Variants in TBC1D5 observed in about 807,000 individuals in gnomAD.
TBC1D5 encodes TBC1 domain family member 5, also known as TBC1 domain family, member 5.
A neutral mutation model predicts 100.3 loss-of-function variants in TBC1D5; 75 were observed. The ratio of observed to expected loss-of-function variants is 0.75; its 90% CI spans 0.62 to 0.91. The LOEUF is 0.91. Among genes scored for constraint, TBC1D5 ranks in the 40% least tolerant of loss-of-function variants. The pLI, the probability that TBC1D5 is intolerant of heterozygous loss-of-function variation, is 0.00. For missense variants in TBC1D5, 910 were observed against 942.4 expected (o/e 0.97, Z 0.45); for synonymous variants, 323 against 325.6 (o/e 0.99, Z 0.09).
intron 13 of TBC1D5, among the ~76,000 whole-genome samples, chr3:17,315,939 T>C (rs1176496810): frequency 6.6e-6 from 1 of 152,108 alleles, no homozygotes; most frequent in Non-Finnish European, 1.5e-5. Context: ...ATATGATTGA[T>C]TTGGGGAACA....
intron 1 of TBC1D5, among the ~76,000 whole-genome samples, chr3:17,718,044 G>A (rs888339667): frequency 1.3e-5 from 2 of 152,068 alleles, no homozygotes; most frequent in African/African-American, 4.8e-5. Context: ...AAGTCAATAA[G>A]ACAAGATAGG....
chr3:17,373,307 G>GAAA (rs1416504122), intron 12 of TBC1D5, among the ~76,000 whole-genome samples: 18 of 152,034 alleles, frequency 1.2e-4, no homozygotes, highest in Admixed American at 9.8e-4. Context: ...GAGTAATAAT[G>GAAA]GTTTCTAACC....
At chr3:17,442,887 G>T (rs78162091) in intron 3 of TBC1D5, among the ~76,000 whole-genome samples, 1 of 151,648 alleles carries the variant, frequency 6.6e-6, no homozygotes, top group Admixed American at 6.6e-5. Flanking sequence ...AGGAGAGGGA[G>T]AAGAAGCGAG....
chr3:17,309,987 A>T (rs1559604225), intron 13 of TBC1D5, among the ~76,000 whole-genome samples: 1 of 152,148 alleles, frequency 6.6e-6, no homozygotes, highest in East Asian at 1.9e-4. Context: ...ACAGTTAGGA[A>T]TACAATCTTC....
chr3:17,259,785 T>C (rs1222614812), intron 15 of TBC1D5, among the ~76,000 whole-genome samples: 1 of 152,194 alleles, frequency 6.6e-6, no homozygotes, highest in Non-Finnish European at 1.5e-5. Context: ...AAGCCGCATT[T>C]AATGGCCATG....
At chr3:17,530,969 G>A (rs900877230) in intron 2 of TBC1D5, among the ~76,000 whole-genome samples, 10 of 152,288 alleles carry the variant, frequency 6.6e-5, no homozygotes, top group African/African-American at 2.2e-4. Context: ...ACATAGTGTT[G>A]GAAGTTCTGG....
At chr3:17,371,068 TACACAC>T (rs111820681) in intron 13 of TBC1D5, among the ~76,000 whole-genome samples, 3,892 of 146,482 alleles carry the variant, frequency 0.027, 163 homozygotes, top group African/African-American at 0.089. Context: ...ACTGAAAAAA[TACACAC>T]ACACACACAC....
chr3:17,208,785 T>A (rs577850924), intron 18 of TBC1D5, among the ~76,000 whole-genome samples: 2 of 152,346 alleles, frequency 1.3e-5, no homozygotes, highest in Middle Eastern at 6.8e-3. Flanking sequence ...CAAAATATGA[T>A]AGAATGCAAA....
At chr3:17,734,747 C>G (rs895662363) in intron 1 of TBC1D5, among the ~76,000 whole-genome samples, 3 of 152,232 alleles carry the variant, frequency 2.0e-5, no homozygotes, top group South Asian at 4.2e-4. Context: ...GGTAAACTGG[C>G]ATAATCTTTT....
At position 17,502,893 on chromosome 3, in the gene TBC1D5, T is replaced by C. The variant is rs554327611; in HGVS notation, c.97+5581A>G. ...CAAGTAGTAGATCAAGTACTATCAA[T>C]TCTACCTCCTAAATAACTCTCAAAT... On this transcript the variant is annotated intron_variant, in intron 3 of 21. Coordinates refer to ENST00000253692, the Ensembl canonical transcript of TBC1D5. 1.0e-4 allele frequency among the ~76,000 whole-genome samples: 15 copies of C among 149,730 alleles called. 2 individuals carry two copies. Among genetic ancestry groups the C allele is most frequent in the African/African-American group, 2.8e-4 (11 of 39,516 alleles).
intron 3 of TBC1D5, 150 bp downstream of exon 3, chr3:17,508,324 C>A (rs994313657): frequency 1.8e-6 from 1 of 545,072 alleles, no homozygotes; most frequent in Non-Finnish European, 3.3e-6. Context: ...CAAGAGTGCT[C>A]TGTACATATC....
rs185617875 is a variant in TBC1D5 at position 17,268,940 on chromosome 3, G to A, written c.1246-10349C>T. Among the ~76,000 whole-genome samples, 143 of 151,988 alleles carry A rather than the reference G, an allele frequency of 9.4e-4. 2 individuals are homozygous for A. The highest frequency in any genetic ancestry group is 1.3e-3 in the Non-Finnish European group (90 of 67,930). On this transcript the variant is annotated intron_variant, in intron 15 of 21. Transcript: ENST00000253692. ...CTTTTACTACTGAATGAATATGTTC[G>A]GGGTAGTAGTCAAAACATAAAACAA...
intron 19 of TBC1D5, among the ~76,000 whole-genome samples, chr3:17,170,116 C>T (rs570487663): frequency 2.6e-5 from 4 of 152,274 alleles, no homozygotes; most frequent in Non-Finnish European, 4.4e-5. Context: ...AGTGGGAACC[C>T]CTGTTTTAGA....
intron 1 of TBC1D5, among the ~76,000 whole-genome samples, chr3:17,732,449 T>C (rs758207892): frequency 2.0e-5 from 3 of 152,196 alleles, no homozygotes; most frequent in Non-Finnish European, 4.4e-5. Flanking sequence ...CTGGGCACGG[T>C]GGCTCACGCC....
At chr3:17,472,540 C>G (rs2095390062) in intron 3 of TBC1D5, among the ~76,000 whole-genome samples, 1 of 152,086 alleles carries the variant, frequency 6.6e-6, no homozygotes, top group Non-Finnish European at 1.5e-5. Context: ...CATTTCCTAC[C>G]CTTCTCCCAG....
intron 2 of TBC1D5, among the ~76,000 whole-genome samples, chr3:17,619,369 C>G (rs917373566): frequency 1.3e-5 from 2 of 152,122 alleles, no homozygotes; most frequent in Non-Finnish European, 2.9e-5. Flanking sequence ...AGCATTAAAA[C>G]ATACTACAAA....
intron 2 of TBC1D5, among the ~76,000 whole-genome samples, chr3:17,565,728 T>C (rs1482497303): frequency 6.6e-6 from 1 of 152,108 alleles, no homozygotes; most frequent in Non-Finnish European, 1.5e-5. Flanking sequence ...GTAATTTACA[T>C]GCTTTTAGTG....
chr3:17,254,772 G>GGC (rs1553636785), intron 16 of TBC1D5, among the ~76,000 whole-genome samples: 1 of 98,640 alleles, frequency 1.0e-5, no homozygotes, highest in Non-Finnish European at 1.9e-5. Flanking sequence ...GGGGTGGGGG[G>GGC]GGGGTCCCAA....
intron 15 of TBC1D5, among the ~76,000 whole-genome samples, chr3:17,291,675 AT>A (rs1559563798): frequency 6.6e-6 from 1 of 152,200 alleles, no homozygotes. Context: ...GAAAAGAGAC[AT>A]GTGTTCCAGT....
Sources: gnomAD v4.1 joint callset for allele counts (sites outside exome capture counted in the v4.1 genomes callset) on GRCh38, gnomAD v4.1.1 for gene constraint, MANE v1.5 for transcripts, NCBI Gene and HGNC (gene_info 2026-07-23, HGNC 2026-07-21) for gene names.